Variants in PLCB1 observed in about 807,000 individuals in gnomAD.
The protein encoded by PLCB1 is 1-phosphatidylinositol 4,5-bisphosphate phosphodiesterase beta-1.
In PLCB1, 46 loss-of-function variants were observed where a neutral mutation model predicts 161.8. The observed-to-expected ratio is 0.28, with a 90% CI of 0.22 to 0.36. PLCB1 has a LOEUF of 0.36. Among genes scored for constraint, PLCB1 ranks in the 10% least tolerant of loss-of-function variants. The pLI is 1.00. For missense variants in PLCB1, 1,016 were observed against 1,472.5 expected (o/e 0.69, Z 5.07); for synonymous variants, 517 against 503.7 (o/e 1.03, Z -0.35).
Position 8,883,688 on chromosome 20 carries a change from T to G in PLCB1, c.*1839T>G, listed in dbSNP as rs1988074898. The G allele has an allele frequency of 6.6e-6, 1 of 152,476 alleles. No individual in the cohort carries two copies. Among genetic ancestry groups the G allele is most frequent in the African/African-American group, 2.4e-5 (1 of 41,438 alleles). The allele number at this position is 152,476 out of a possible 1,614,324, so 9.4% of individuals were successfully genotyped here. A position where few individuals can be genotyped will look rare whatever the true frequency, so the allele number is the denominator to read the frequency against. ...GCTTAGTTCAAACATAAGGAAACAG[T>G]GTTTGATTAAAAAAAACACATCTAG... On this transcript the variant is annotated 3_prime_UTR_variant, in exon 32 of 32. Transcript: ENST00000338037.
At position 8,716,336 on chromosome 20, in the gene PLCB1, G is replaced by C; in HGVS notation, c.1323G>C (p.Leu441=). ...GGGATGCCCTTCTCATGGAGCCCCT[G>C]GAAAAATATCCAGTAAGCAGTTCTG... ...IFGDALLMEP[L]EKYPLESGVP... Residue 441 remains leucine, a synonymous_variant, in exon 13 of 32, where the codon CTG becomes CTC. Transcript: ENST00000338037. 6.2e-7 allele frequency: 1 copy of C among 1,612,866 alleles called. No homozygotes were observed. Among genetic ancestry groups the C allele is most frequent in the Non-Finnish European group, 8.5e-7 (1 of 1,178,950 alleles).
intron 3 of PLCB1, among the ~76,000 whole-genome samples, chr20:8,493,083 C>A (rs1983016939): frequency 6.6e-6 from 1 of 152,050 alleles, no homozygotes; most frequent in Non-Finnish European, 1.5e-5. Flanking sequence ...TCAATGGGGA[C>A]CCCAAGATCC....
intron 3 of PLCB1, among the ~76,000 whole-genome samples, chr20:8,456,427 T>C (rs1981319350): frequency 6.6e-6 from 1 of 152,228 alleles, no homozygotes; most frequent in Non-Finnish European, 1.5e-5. Context: ...TGTTAGTTTG[T>C]TTAGTAGCAC....
intron 3 of PLCB1, among the ~76,000 whole-genome samples, chr20:8,517,292 C>A (rs73894578): frequency 0.15 from 22,354 of 152,074 alleles, 1,832 homozygotes; most frequent in African/African-American, 0.22. Context: ...TATGAAACAA[C>A]AGTAGTTGCT....
chr20:8,790,346 C>A, intron 31 of PLCB1, 85 bp downstream of exon 31: 1 of 956,624 alleles, frequency 1.0e-6, no homozygotes, highest in Non-Finnish European at 1.6e-6. Context: ...TACATAAGTA[C>A]CTTGTACACA....
chr20:8,202,354 C>A (rs1469737008), intron 2 of PLCB1, among the ~76,000 whole-genome samples: 1 of 152,242 alleles, frequency 6.6e-6, no homozygotes, highest in Non-Finnish European at 1.5e-5. Flanking sequence ...GGATTACAGG[C>A]GTCAGCCACT....
chr20:8,262,059 G>A (rs1568609351), intron 2 of PLCB1, among the ~76,000 whole-genome samples: 1 of 151,812 alleles, frequency 6.6e-6, no homozygotes, highest in African/African-American at 2.4e-5. Flanking sequence ...GTGCGTTTTT[G>A]TTTGTTTGTT....
intron 27 of PLCB1, among the ~76,000 whole-genome samples, chr20:8,777,625 G>A (rs3940197): frequency 0.92 from 140,168 of 151,584 alleles, 65,289 homozygotes; most frequent in East Asian, 1. Context: ...AGGCTGAGGT[G>A]TGAGAATCGC....
At chr20:8,335,205 G>A (rs1321910197) in intron 2 of PLCB1, among the ~76,000 whole-genome samples, 1 of 152,150 alleles carries the variant, frequency 6.6e-6, no homozygotes, top group East Asian at 1.9e-4. Flanking sequence ...AGTATACATA[G>A]TAAAAATATA....
At chr20:8,457,231 A>T (rs572721455) in intron 3 of PLCB1, among the ~76,000 whole-genome samples, 61 of 152,310 alleles carry the variant, frequency 4.0e-4, no homozygotes, top group Non-Finnish European at 6.3e-4. Flanking sequence ...GACATGGTGC[A>T]TACAAATGGG....
At chr20:8,658,410 A>G in intron 8 of PLCB1, 128 bp from the exon 9 acceptor site, 1 of 666,466 alleles carries the variant, frequency 1.5e-6, no homozygotes, top group Non-Finnish European at 2.5e-6. Context: ...TTTTCAGGGC[A>G]AGATAGGAGT....
chr20:8,780,513 T>C (rs1354267710), intron 27 of PLCB1, among the ~76,000 whole-genome samples: 2 of 152,170 alleles, frequency 1.3e-5, no homozygotes, highest in Non-Finnish European at 2.9e-5. Context: ...CATGTTCTAA[T>C]CACATCCATT....
chr20:8,879,450 T>G (rs1987896707), intron 31 of PLCB1, among the ~76,000 whole-genome samples: 1 of 152,126 alleles, frequency 6.6e-6, no homozygotes, highest in Non-Finnish European at 1.5e-5. Flanking sequence ...CAGACCTGAG[T>G]AATCCTCAAA....
At chr20:8,685,685 C>T (rs754895172) in intron 10 of PLCB1, among the ~76,000 whole-genome samples, 3 of 150,280 alleles carry the variant, frequency 2.0e-5, no homozygotes, top group South Asian at 2.1e-4. Context: ...TACAGTGAGC[C>T]GAGATCACAC....
chr20:8,796,887 T>C (rs1466713777), intron 31 of PLCB1, among the ~76,000 whole-genome samples: 1 of 152,262 alleles, frequency 6.6e-6, no homozygotes, highest in Non-Finnish European at 1.5e-5. Context: ...CACATATTCT[T>C]TGTGAAACGT....
intron 3 of PLCB1, among the ~76,000 whole-genome samples, chr20:8,601,348 T>C (rs968076308): frequency 1.2e-4 from 18 of 152,196 alleles, no homozygotes; most frequent in African/African-American, 4.3e-4. Context: ...CCATTAGTTA[T>C]TTTTCTTGAT....
intron 21 of PLCB1, 100 bp downstream of exon 21, chr20:8,739,460 T>C (rs1980757907): frequency 1.2e-5 from 9 of 751,270 alleles, no homozygotes; most frequent in African/African-American, 1.7e-5. Flanking sequence ...TATTTTCTGC[T>C]TTGTAATTTT....
At chr20:8,150,743 G>A (rs761481123) in intron 2 of PLCB1, among the ~76,000 whole-genome samples, 2 of 152,098 alleles carry the variant, frequency 1.3e-5, no homozygotes, top group Non-Finnish European at 2.9e-5. Flanking sequence ...TGACCCAATA[G>A]CCTTACCCCT....
At chr20:8,171,614 C>T (rs1254918964) in intron 2 of PLCB1, among the ~76,000 whole-genome samples, 1 of 151,986 alleles carries the variant, frequency 6.6e-6, no homozygotes, top group African/African-American at 2.4e-5. Flanking sequence ...ATTAGTACTC[C>T]CTTAAGGTTG....
Sources: allele counts gnomAD v4.1 joint callset (sites outside exome capture counted in the v4.1 genomes callset), GRCh38; gene constraint gnomAD v4.1.1; transcripts MANE v1.5; gene names NCBI Gene and HGNC (gene_info 2026-07-23, HGNC 2026-07-21).